The following SLC12A8 variants were observed in gnomAD, a reference collection of about 807,000 sequenced individuals.
The protein encoded by SLC12A8 is cation-chloride cotransporter 9.
SLC12A8 carries 69 observed loss-of-function variants against 75.6 expected under a neutral mutation model. That is an observed-to-expected ratio of 0.91 (90% CI 0.75 to 1.11). The LOEUF is 1.11. SLC12A8 is among the 50% of genes most tolerant of loss of function. SLC12A8 has a pLI of 0.00. For synonymous variants in SLC12A8, 365 were observed against 372.8 expected (o/e 0.98, Z 0.24); for missense variants, 877 against 896.7 (o/e 0.98, Z 0.28).
chr3:125,129,478 G>A (rs1289735918), intron 6 of SLC12A8, among the ~76,000 whole-genome samples: 1 of 151,542 alleles, frequency 6.6e-6, no homozygotes, highest in African/African-American at 2.4e-5. Flanking sequence ...TGCAGTGAGG[G>A]GGCAGGGGGA....
intron 10 of SLC12A8, among the ~76,000 whole-genome samples, chr3:125,096,759 C>G (rs756960359): frequency 6.6e-6 from 1 of 152,130 alleles, no homozygotes; most frequent in African/African-American, 2.4e-5. Flanking sequence ...GGCTCTATTA[C>G]TTTTCAAAAA....
chr3:125,174,417 A>C (rs1934476950), intron 5 of SLC12A8, among the ~76,000 whole-genome samples: 2 of 152,250 alleles, frequency 1.3e-5, no homozygotes, highest in South Asian at 4.1e-4. Context: ...CCACTTTAGA[A>C]GACAGTTTGG....
intron 5 of SLC12A8, among the ~76,000 whole-genome samples, chr3:125,160,259 A>C (rs491058): frequency 0.83 from 126,102 of 152,292 alleles, 52,303 homozygotes; most frequent in African/African-American, 0.86. Flanking sequence ...TGGTTCTCAA[A>C]TCTACCTATG....
Position 125,110,176 on chromosome 3 carries a change from G to A in SLC12A8, c.1059+13C>T, listed in dbSNP as rs922081519. 2 of 1,601,478 alleles carry A rather than the reference G, an allele frequency of 1.2e-6. No homozygotes were observed. Among genetic ancestry groups the A allele is most frequent in the Non-Finnish European group, 1.7e-6 (2 of 1,172,352 alleles). ...TGTTTCAAAAAACAAACCAAAAAAAGAGGATTACTCACCCCTTGTCCCAGA... is the reference window on the plus strand; with the variant it reads ...TGTTTCAAAAAACAAACCAAAAAAAAAGGATTACTCACCCCTTGTCCCAGA... On this transcript the variant is annotated intron_variant, in intron 9 of 13. Transcript: ENST00000469902.
intron 6 of SLC12A8, among the ~76,000 whole-genome samples, chr3:125,122,286 A>G (rs962462339): frequency 4.6e-5 from 7 of 152,216 alleles, no homozygotes; most frequent in African/African-American, 1.7e-4. Flanking sequence ...TTGACTGTTT[A>G]TATTTTCTCA....
intron 5 of SLC12A8, among the ~76,000 whole-genome samples, chr3:125,152,046 C>T (rs1933937625): frequency 6.6e-6 from 1 of 152,172 alleles, no homozygotes; most frequent in African/African-American, 2.4e-5. Flanking sequence ...AATCCAGGTT[C>T]CAGTATTTCT....
rs150253603 is a variant in SLC12A8, at chr3:125,112,193, A to G, written c.913-1858T>C. On this transcript the variant is annotated intron_variant, in intron 8 of 13. Transcript: ENST00000469902. ...GGTCAGATGCTTGATGAACAAGACTAAGGTCCACTACGGAGCCCACCTTGT... is the reference window on the plus strand; with the variant it reads ...GGTCAGATGCTTGATGAACAAGACTGAGGTCCACTACGGAGCCCACCTTGT... 2.4e-4 allele frequency among the ~76,000 whole-genome samples: 36 copies of G among 152,300 alleles called. No individual in the cohort carries two copies. In the East Asian group the frequency reaches 6.7e-3, roughly 29 times the overall value.
intron 5 of SLC12A8, among the ~76,000 whole-genome samples, chr3:125,150,672 A>G (rs1289044922): frequency 6.6e-6 from 1 of 152,206 alleles, no homozygotes; most frequent in Non-Finnish European, 1.5e-5. Flanking sequence ...CTGGTCCCAC[A>G]GGTCAGCTGA....
At chr3:125,085,360 A>C (rs2948814) in intron 13 of SLC12A8, among the ~76,000 whole-genome samples, 47,779 of 152,050 alleles carry the variant, frequency 0.31, 8,848 homozygotes, top group East Asian at 0.5. Context: ...TTCAAGAAAG[A>C]AAGCCTTCTC....
At chr3:125,139,893 C>T (rs1326665424) in intron 5 of SLC12A8, among the ~76,000 whole-genome samples, 1 of 152,214 alleles carries the variant, frequency 6.6e-6, no homozygotes, top group Non-Finnish European at 1.5e-5. Flanking sequence ...CCATAGACAC[C>T]ACATTTTGCA....
At chr3:125,164,687 G>C (rs1390531434) in intron 5 of SLC12A8, among the ~76,000 whole-genome samples, 1 of 152,238 alleles carries the variant, frequency 6.6e-6, no homozygotes, top group Non-Finnish European at 1.5e-5. Flanking sequence ...GGATTGCCTT[G>C]GTTTCCTCCA....
chr3:125,128,394 A>T (rs1238662495), intron 6 of SLC12A8, among the ~76,000 whole-genome samples: 1 of 136,808 alleles, frequency 7.3e-6, no homozygotes, highest in African/African-American at 2.8e-5. Context: ...TTTAGCCGGG[A>T]TGGTCTCGAT....
At chr3:125,084,788 C>T (rs1938417115) in intron 13 of SLC12A8, among the ~76,000 whole-genome samples, 1 of 152,204 alleles carries the variant, frequency 6.6e-6, no homozygotes, top group South Asian at 2.1e-4. Context: ...CCAGAAGCCT[C>T]TTTACCTTCT....
In SLC12A8 at chr3:125,187,341, C is replaced by G; in HGVS notation, c.286G>C (p.Gly96Arg). 1 of 1,614,216 alleles carries G rather than the reference C, an allele frequency of 6.2e-7. No homozygotes were observed. Among genetic ancestry groups the G allele is most frequent in the Non-Finnish European group, 8.5e-7 (1 of 1,180,034 alleles). Residue 96 changes from glycine (G) to arginine (R), a missense_variant, in exon 4 of 14, where the codon GGG becomes CGG. Physicochemically the swap from Gly to Arg is moderately radical, Grantham distance 125 (BLOSUM62 -2). Transcript: ENST00000469902. ...CCGCTGCCGATGCTGCTGCGCTCCC[C>G]GACGCCAATGCCAGACAGCACCGTG... Reference protein sequence around the residue: ...LVTVLSGIGVGERSSIGSGGV... With the variant: ...LVTVLSGIGVRERSSIGSGGV...
intron 6 of SLC12A8, among the ~76,000 whole-genome samples, chr3:125,130,798 C>T (rs547357972): frequency 1.3e-5 from 2 of 152,302 alleles, no homozygotes; most frequent in South Asian, 2.1e-4. Flanking sequence ...CCACTCACAC[C>T]AGGCATCCTC....
intron 3 of SLC12A8, among the ~76,000 whole-genome samples, chr3:125,188,344 T>G (rs918747347): frequency 6.6e-6 from 1 of 152,210 alleles, no homozygotes; most frequent in Non-Finnish European, 1.5e-5. Context: ...AACTGTGAGC[T>G]AAATAAACCT....
chr3:125,092,293 G>A (rs1187434602), intron 10 of SLC12A8, 95 bp from the exon 11 acceptor site: 8 of 788,876 alleles, frequency 1.0e-5, no homozygotes, highest in Middle Eastern at 2.7e-4. Context: ...CCCCAATTTT[G>A]TAACTTAGCC....
At position 125,185,370 on chromosome 3, in the gene SLC12A8, A is replaced by AAG. The variant is rs200197575; in HGVS notation, c.390+1866_390+1867insCT. On this transcript the variant is annotated intron_variant, in intron 4 of 13. Transcript: ENST00000469902. ...CAAAATTCCCAGATTAAAAAAAAAA[A>AAG]AAGAAATGGACAAATTCCTAGGAAG... Among the ~76,000 whole-genome samples the AAG allele has an allele frequency of 1.7e-3, 248 of 144,382 alleles. 2 individuals carry two copies. The highest frequency in any genetic ancestry group is 3.7e-4 in the Non-Finnish European group (25 of 67,944). 94.7% of individuals were successfully genotyped at this position (144,382 alleles called of 152,430 possible).
chr3:125,144,987 AC>A (rs1171018864), intron 5 of SLC12A8, among the ~76,000 whole-genome samples: 1 of 151,910 alleles, frequency 6.6e-6, no homozygotes, highest in African/African-American at 2.4e-5. Context: ...GCTCTCCCCC[AC>A]CCCAAGTCCT....
Sources: gnomAD v4.1 joint callset for allele counts (sites outside exome capture counted in the v4.1 genomes callset) on GRCh38, gnomAD v4.1.1 for gene constraint, MANE v1.5 for transcripts, NCBI Gene and HGNC (gene_info 2026-07-23, HGNC 2026-07-21) for gene names.